BMP5: variants seen among roughly 807,000 people sequenced by gnomAD.
BMP5 encodes bone morphogenetic protein 5.
A neutral mutation model predicts 46.6 loss-of-function variants in BMP5; 23 were observed. That is an observed-to-expected ratio of 0.49 (90% CI 0.35 to 0.70). The LOEUF (loss-of-function observed/expected upper bound fraction) is 0.70, where lower values mean the gene tolerates loss of function less well. Among genes scored for constraint, BMP5 ranks in the 30% least tolerant of loss-of-function variants. The probability of loss-of-function intolerance (pLI) is 0.00; values close to 1 mark genes in which losing one functional copy is unlikely to be tolerated. For missense variants in BMP5, 545 were observed against 565.6 expected, an observed-to-expected ratio of 0.96 and a Z score of 0.37; for synonymous variants, 204 against 191.9, an observed-to-expected ratio of 1.06 and a Z score of -0.52.
chr6:55,764,500 G>A (rs1774870544), intron 4 of BMP5, among the ~76,000 whole-genome samples: 1 of 151,316 alleles, frequency 6.6e-6, no homozygotes, highest in African/African-American at 2.4e-5. Flanking sequence ...GTGAACCCGG[G>A]AGGCGGAGCT....
intron 1 of BMP5, among the ~76,000 whole-genome samples, chr6:55,851,111 T>TTTTTG (rs1170019695): frequency 6.8e-6 from 1 of 147,070 alleles, no homozygotes; most frequent in East Asian, 2.0e-4. Flanking sequence ...GGGTTTTTTG[T>TTTTTG]TTTTGTTTTG....
chr6:55,820,968 G>T (rs2127538981), intron 1 of BMP5, among the ~76,000 whole-genome samples: 1 of 152,246 alleles, frequency 6.6e-6, no homozygotes, highest in East Asian at 1.9e-4. Flanking sequence ...TAATCTGGCT[G>T]TGTAAGATAG....
At chr6:55,758,956 A>T in intron 6 of BMP5, 49 bp downstream of exon 6, 1 of 1,226,928 alleles carries the variant, frequency 8.2e-7, no homozygotes, top group Non-Finnish European at 1.2e-6. Flanking sequence ...CAACTTTATA[A>T]TATGCTTGCA....
intron 1 of BMP5, among the ~76,000 whole-genome samples, chr6:55,838,946 T>C (rs1005060948): frequency 1.3e-5 from 2 of 152,186 alleles, no homozygotes; most frequent in African/African-American, 4.8e-5. Flanking sequence ...ATCTTAAGTG[T>C]ACAATTGTAT....
chr6:55,845,069 T>C (rs1287235118), intron 1 of BMP5, among the ~76,000 whole-genome samples: 2 of 152,158 alleles, frequency 1.3e-5, no homozygotes, highest in East Asian at 3.9e-4. Flanking sequence ...GTTCTTTAAG[T>C]TATTTGAAAC....
chr6:55,872,366 AAC>A (rs1777806901), intron 1 of BMP5, among the ~76,000 whole-genome samples: 1 of 151,724 alleles, frequency 6.6e-6, no homozygotes, highest in Non-Finnish European at 1.5e-5. Context: ...GATAAAAATA[AAC>A]ACACAGTTTC....
chr6:55,869,558 A>G (rs1038446278), intron 1 of BMP5, among the ~76,000 whole-genome samples: 1 of 152,170 alleles, frequency 6.6e-6, no homozygotes, highest in Non-Finnish European at 1.5e-5. Flanking sequence ...TAAACTAAAC[A>G]GGAATGGCAT....
chr6:55,864,751 C>T (rs1264139066), intron 1 of BMP5, among the ~76,000 whole-genome samples: 2 of 152,094 alleles, frequency 1.3e-5, no homozygotes, highest in African/African-American at 2.4e-5. Context: ...GATGATTTTA[C>T]AATGTGCATC....
At chr6:55,847,914 A>G (rs138368960) in intron 1 of BMP5, among the ~76,000 whole-genome samples, 54 of 152,102 alleles carry the variant, frequency 3.6e-4, no homozygotes, top group Non-Finnish European at 6.0e-4. Flanking sequence ...ATAGATCACC[A>G]ATATTGTTAA....
intron 3 of BMP5, among the ~76,000 whole-genome samples, chr6:55,779,266 C>T (rs916329635): frequency 3.9e-5 from 6 of 152,128 alleles, no homozygotes; most frequent in African/African-American, 1.4e-4. Context: ...CATTCCAGTT[C>T]GTTTTTTTCT....
chr6:55,770,231 G>T (rs1582050004), intron 4 of BMP5, among the ~76,000 whole-genome samples: 2 of 152,028 alleles, frequency 1.3e-5, no homozygotes, highest in South Asian at 4.1e-4. Flanking sequence ...GTTCAGTGTA[G>T]CTACCTTCAT....
chr6:55,833,840 T>C (rs1776720529), intron 1 of BMP5, among the ~76,000 whole-genome samples: 1 of 152,162 alleles, frequency 6.6e-6, no homozygotes, highest in African/African-American at 2.4e-5. Flanking sequence ...AATGAATTTA[T>C]AAAGCTTTGG....
At chr6:55,847,511 G>A (rs1485180274) in intron 1 of BMP5, among the ~76,000 whole-genome samples, 1 of 151,842 alleles carries the variant, frequency 6.6e-6, no homozygotes. Flanking sequence ...TTGCATTACC[G>A]TTAGTCGTAT....
intron 2 of BMP5, among the ~76,000 whole-genome samples, chr6:55,811,719 A>G (rs1296116452): frequency 7.0e-6 from 1 of 142,178 alleles, no homozygotes; most frequent in Non-Finnish European, 1.5e-5. Context: ...CTCTCTCCCT[A>G]TTCTTTCCCC....
intron 2 of BMP5, among the ~76,000 whole-genome samples, chr6:55,805,853 C>T (rs180696198): frequency 2.6e-5 from 4 of 152,048 alleles, no homozygotes; most frequent in Admixed American, 1.3e-4. Context: ...GTTTGTTGGC[C>T]GCATAAATGT....
intron 1 of BMP5, among the ~76,000 whole-genome samples, chr6:55,828,247 C>A (rs1053350835): frequency 4.6e-5 from 7 of 151,816 alleles, no homozygotes; most frequent in Non-Finnish European, 7.4e-5. Context: ...TGAAATTGCT[C>A]AGTGCCTTCT....
At chr6:55,858,368 T>A (rs1183887210) in intron 1 of BMP5, among the ~76,000 whole-genome samples, 1 of 151,994 alleles carries the variant, frequency 6.6e-6, no homozygotes, top group Non-Finnish European at 1.5e-5. Context: ...TTACAAATAA[T>A]GAGTTGAGTT....
chr6:55,829,052 G>A (rs565783680), intron 1 of BMP5, among the ~76,000 whole-genome samples: 3 of 151,808 alleles, frequency 2.0e-5, no homozygotes, highest in East Asian at 1.9e-4. Flanking sequence ...TAGTTTTACA[G>A]GTTTCTAAGA....
At chr6:55,816,062 A>G (rs1014931100) in intron 2 of BMP5, among the ~76,000 whole-genome samples, 2 of 152,240 alleles carry the variant, frequency 1.3e-5, no homozygotes, top group South Asian at 4.1e-4. Flanking sequence ...TATATTCTAG[A>G]GGATAGAAAA....
Sources: gnomAD v4.1 joint callset for allele counts (sites outside exome capture counted in the v4.1 genomes callset) on GRCh38, gnomAD v4.1.1 for gene constraint, MANE v1.5 for transcripts, NCBI Gene and HGNC (gene_info 2026-07-23, HGNC 2026-07-21) for gene names.